KDM5B: variants seen among roughly 807,000 people sequenced by gnomAD.
The protein encoded by KDM5B is lysine demethylase 5B, also known as lysine-specific demethylase 5B.
A neutral mutation model predicts 193.4 loss-of-function variants in KDM5B; 144 were observed. The observed-to-expected ratio is 0.74, with a 90% CI of 0.65 to 0.86. The LOEUF (loss-of-function observed/expected upper bound fraction) is 0.86, where lower values mean the gene tolerates loss of function less well. Among genes scored for constraint, KDM5B ranks in the 40% least tolerant of loss-of-function variants. The pLI, the probability that KDM5B is intolerant of heterozygous loss-of-function variation, is 0.00. For missense variants in KDM5B, 1,833 were observed against 1,886.9 expected (o/e 0.97, Z 0.53); for synonymous variants, 668 against 682.6 (o/e 0.98, Z 0.33).
chr1:202,731,154 CT>C (rs1654870737), intron 24 of KDM5B, 91 bp from the exon 25 acceptor site: 3 of 952,952 alleles, frequency 3.1e-6, no homozygotes, highest in African/African-American at 3.3e-5. Flanking sequence ...AGGACTGCCC[CT>C]AATACCACTA....
rs1654780324 is a variant in KDM5B, at chr1:202,729,140, G to T, written c.4531C>A (p.Gln1511Lys). 2 of 1,614,020 alleles carry T rather than the reference G, an allele frequency of 1.2e-6. No homozygotes were observed. The highest frequency in any genetic ancestry group is 1.1e-5 in the South Asian group (1 of 91,082). The change falls in exon 27 of 27, where the codon CAG becomes AAG. Residue 1511 changes from glutamine to lysine, a missense_variant. Coordinates refer to ENST00000367265, the MANE Select transcript of KDM5B (RefSeq NM_006618.5). ...CCAACACAGACCTGATGAAACCACT[G>T]ATTGCAGCTGCCATCACACTGGACC... ...DWVQCDGSCNQWFHQVCVGVS... is the reference protein window; with the variant it reads ...DWVQCDGSCNKWFHQVCVGVS...
At position 202,791,681 on chromosome 1, in the gene KDM5B, T is replaced by A. The variant is rs1220276174; in HGVS notation, c.205-14587A>T. Among the ~76,000 whole-genome samples, 3 of 152,306 alleles carry A rather than the reference T, an allele frequency of 2.0e-5. No individual in the cohort carries two copies. The East Asian group carries it at 5.8e-4, about 29-fold the overall frequency. ...TCCTTGCATACGTCATACTTGCTAA[T>A]CTTTCTCACCAGTCAATTATGAGTT... On this transcript the variant is annotated intron_variant, in intron 1 of 26. Coordinates refer to ENST00000367265, the MANE Select transcript of KDM5B (RefSeq NM_006618.5).
chr1:202,759,987 T>C (rs1275532957), intron 8 of KDM5B, among the ~76,000 whole-genome samples: 1 of 152,218 alleles, frequency 6.6e-6, no homozygotes, highest in Non-Finnish European at 1.5e-5. Flanking sequence ...GTTTTCTTCA[T>C]GGGCCTCATT....
intron 1 of KDM5B, among the ~76,000 whole-genome samples, chr1:202,778,912 G>C (rs545130967): frequency 6.6e-6 from 1 of 152,012 alleles, no homozygotes; most frequent in Admixed American, 6.6e-5. Flanking sequence ...GTGAGCCACC[G>C]CACCCAGCCT....
intron 1 of KDM5B, among the ~76,000 whole-genome samples, chr1:202,788,667 T>C (rs1277384458): frequency 6.6e-6 from 1 of 152,188 alleles, no homozygotes; most frequent in East Asian, 1.9e-4. Flanking sequence ...CTTCAATCAC[T>C]GAATGGGATG....
intron 11 of KDM5B, among the ~76,000 whole-genome samples, chr1:202,753,481 G>A (rs1156710317): frequency 6.6e-6 from 1 of 152,006 alleles, no homozygotes; most frequent in Non-Finnish European, 1.5e-5. Context: ...GGTGACAAGA[G>A]CAAGACTCCA....
intron 1 of KDM5B, among the ~76,000 whole-genome samples, chr1:202,802,630 C>T (rs1335037489): frequency 6.6e-6 from 1 of 151,948 alleles, no homozygotes; most frequent in Non-Finnish European, 1.5e-5. Flanking sequence ...TGACCTCAAG[C>T]GATCCGCCCA....
In KDM5B at chr1:202,725,798, TTC is replaced by T. The variant is rs1654656162; in HGVS notation, c.*3236_*3237del. On this transcript the variant is annotated 3_prime_UTR_variant, in exon 27 of 27. Transcript: ENST00000367265. ...GACTCTTAAAATCCTTGTTGTCCAA[TTC>T]TGTCTCCTGTTACAGGTATATAGCA... 1 of 152,256 alleles carries T rather than the reference TTC, an allele frequency of 6.6e-6. No individual in the cohort carries two copies. Among genetic ancestry groups the T allele is most frequent in the African/African-American group, 2.4e-5 (1 of 41,460 alleles). The allele number at this position is 152,256 out of a possible 1,614,324, so 9.4% of individuals were successfully genotyped here. A position where few individuals can be genotyped will look rare whatever the true frequency, so the allele number is the denominator to read the frequency against.
In KDM5B at chr1:202,808,405, G is replaced by A; in HGVS notation, c.-100C>T. On this transcript the variant is annotated 5_prime_UTR_variant, in exon 1 of 27. Transcript: ENST00000367265. Reference sequence around the variant, plus strand: ...CCGTGCAGACGCGGCTCGAGCAACAGCAAGTCCGAGTTGTACGGGCAACGG... The same window carrying A: ...CCGTGCAGACGCGGCTCGAGCAACAACAAGTCCGAGTTGTACGGGCAACGG... The A allele has an allele frequency of 9.0e-7, 1 of 1,115,982 alleles. No individual in the cohort carries two copies. The highest frequency in any genetic ancestry group is 1.2e-6 in the Non-Finnish European group (1 of 805,322). The allele number at this position is 1,115,982 out of a possible 1,614,324, so 69.1% of individuals were successfully genotyped here. A position where few individuals can be genotyped will look rare whatever the true frequency, so the allele number is the denominator to read the frequency against.
rs564850507 is a variant in KDM5B at position 202,778,016 on chromosome 1, A to T, written c.205-922T>A. ...ATGGTGAAACCCTGTCTCTACTAAA[A>T]CTACAAAAATTAGCCAGATGGGGTG... On this transcript the variant is annotated intron_variant, in intron 1 of 26. Transcript: ENST00000367265. 1.4e-3 allele frequency among the ~76,000 whole-genome samples: 213 copies of T among 152,102 alleles called. 2 individuals carry two copies. Among genetic ancestry groups the T allele is most frequent in the Non-Finnish European group, 2.6e-3 (177 of 67,994 alleles).
At chr1:202,735,944 C>T (rs889635287) in intron 21 of KDM5B, among the ~76,000 whole-genome samples, 5 of 152,192 alleles carry the variant, frequency 3.3e-5, no homozygotes, top group Non-Finnish European at 5.9e-5. Context: ...GGGCGAAGCA[C>T]GGCCAAGTTT....
At chr1:202,795,703 T>C (rs754762730) in intron 1 of KDM5B, among the ~76,000 whole-genome samples, 2 of 150,794 alleles carry the variant, frequency 1.3e-5, no homozygotes, top group African/African-American at 2.4e-5. Flanking sequence ...TAAGAGGCAA[T>C]GTTATGAGGT....
rs1176622607 is a variant in KDM5B at position 202,745,902 on chromosome 1, A to C, written c.2279T>G (p.Leu760Trp). 6.8e-6 allele frequency: 11 copies of C among 1,614,032 alleles called. No homozygotes were observed. Among genetic ancestry groups the C allele is most frequent in the Non-Finnish European group, 9.3e-6 (11 of 1,179,906 alleles). Residue 760 changes from leucine (L) to tryptophan (W), a missense_variant, in exon 16 of 27, where the codon TTG becomes TGG. This residue lies in a region of KDM5B where 1,379 missense variants were observed against 1,349.6 expected (regional missense o/e 1.02). Transcript: ENST00000367265. Reference protein sequence around the residue: ...LRAESYNEWALNVNEALEAKI... With the variant: ...LRAESYNEWAWNVNEALEAKI... ...TGCCTCCAAAGCTTCATTCACATTCAAGGCCCATTCGTTGTAAGATTCTGC... is the reference window on the plus strand; with the variant it reads ...TGCCTCCAAAGCTTCATTCACATTCCAGGCCCATTCGTTGTAAGATTCTGC...
intron 1 of KDM5B, among the ~76,000 whole-genome samples, chr1:202,779,405 G>A: frequency 6.6e-6 from 1 of 152,094 alleles, no homozygotes; most frequent in African/African-American, 2.4e-5. Flanking sequence ...TGTGAACCCG[G>A]GAGGCGGAGT....
intron 4 of KDM5B, 25 bp downstream of exon 4, chr1:202,773,093 G>C (rs780767695): frequency 6.5e-7 from 1 of 1,530,500 alleles, no homozygotes; most frequent in Non-Finnish European, 9.0e-7. Flanking sequence ...AGATAAAACA[G>C]GTTAAGGCTA....
intron 13 of KDM5B, among the ~76,000 whole-genome samples, chr1:202,750,129 AG>A (rs1655732011): frequency 6.6e-6 from 1 of 152,250 alleles, no homozygotes; most frequent in South Asian, 2.1e-4. Flanking sequence ...TTGCTACAAA[AG>A]AAAAAACATC....
At chr1:202,746,535 A>C in intron 14 of KDM5B, 1 of 455,054 alleles carries the variant, frequency 2.2e-6, no homozygotes, top group East Asian at 3.3e-5. Flanking sequence ...TTTTCAGACA[A>C]GGCAGGTCCT....
intron 9 of KDM5B, among the ~76,000 whole-genome samples, chr1:202,757,164 G>GGTTT (rs1656052188): frequency 6.6e-6 from 1 of 152,074 alleles, no homozygotes; most frequent in African/African-American, 2.4e-5. Flanking sequence ...TTCACAATAG[G>GGTTT]GTTTGCCCTC....
At chr1:202,743,278 G>A (rs1476429221) in intron 16 of KDM5B, among the ~76,000 whole-genome samples, 3 of 144,516 alleles carry the variant, frequency 2.1e-5, no homozygotes, top group Admixed American at 7.2e-5. Context: ...TCAAGGCTGC[G>A]GTGAGCCACG....
Sources: gnomAD v4.1 joint callset for allele counts (sites outside exome capture counted in the v4.1 genomes callset) on GRCh38, gnomAD v4.1.1 for gene constraint, gnomAD v4.1.1 regional missense constraint, MANE v1.5 for transcripts, NCBI Gene and HGNC (gene_info 2026-07-23, HGNC 2026-07-21) for gene names.